The following PSD3 variants were observed in gnomAD, a reference collection of about 807,000 sequenced individuals.
PSD3 encodes the protein pleckstrin and Sec7 domain containing 3, also known as PH and SEC7 domain-containing protein 3.
In PSD3, 49 loss-of-function variants were observed where a neutral mutation model predicts 105.5. The observed-to-expected ratio is 0.46, with a 90% CI of 0.37 to 0.59. PSD3 has a LOEUF of 0.59. Among genes scored for constraint, PSD3 ranks in the 20% least tolerant of loss-of-function variants. The pLI, the probability that PSD3 is intolerant of heterozygous loss-of-function variation, is 0.00. For synonymous variants in PSD3, 557 were observed against 457.8 expected (o/e 1.22, Z -2.77); for missense variants, 1,561 against 1,263.8 (o/e 1.24, Z -3.57).
intron 2 of PSD3, among the ~76,000 whole-genome samples, chr8:18,931,512 A>C (rs1586458422): frequency 1.3e-5 from 2 of 152,294 alleles, no homozygotes; most frequent in South Asian, 4.1e-4. Context: ...ACTAAAAGAA[A>C]ATTAACATTT....
intron 7 of PSD3, among the ~76,000 whole-genome samples, chr8:18,800,520 T>C (rs1450744363): frequency 2.6e-5 from 4 of 152,174 alleles, no homozygotes; most frequent in Non-Finnish European, 4.4e-5. Context: ...CATCTGTAAG[T>C]TTATGAAACA....
chr8:19,071,373 T>A (rs1276429328), intron 1 of PSD3, among the ~76,000 whole-genome samples: 1 of 152,136 alleles, frequency 6.6e-6, no homozygotes, highest in Non-Finnish European at 1.5e-5. Flanking sequence ...TGTAGGTACA[T>A]AATAATCATA....
chr8:18,915,533 T>C (rs1279897302), intron 2 of PSD3, among the ~76,000 whole-genome samples: 1 of 151,938 alleles, frequency 6.6e-6, no homozygotes, highest in East Asian at 1.9e-4. Context: ...AGAAAACAAA[T>C]AACCCAATTT....
At chr8:18,681,437 T>C in intron 9 of PSD3, among the ~76,000 whole-genome samples, 1 of 142,794 alleles carries the variant, frequency 7.0e-6, no homozygotes, top group East Asian at 2.0e-4. Context: ...TGAGACATTG[T>C]TTCTGTTTCA....
intron 11 of PSD3, among the ~76,000 whole-genome samples, chr8:18,607,408 A>G (rs1156538970): frequency 1.3e-5 from 2 of 152,208 alleles, no homozygotes; most frequent in East Asian, 3.9e-4. Flanking sequence ...CCGTAAGTCT[A>G]TGAGGGATCC....
At chr8:18,713,325 G>A (rs886339213) in intron 9 of PSD3, among the ~76,000 whole-genome samples, 2 of 151,994 alleles carry the variant, frequency 1.3e-5, no homozygotes, top group African/African-American at 2.4e-5. Context: ...TATTCAAATA[G>A]GAAGAGAAGT....
intron 2 of PSD3, among the ~76,000 whole-genome samples, chr8:18,908,164 T>G (rs867792581): frequency 6.6e-6 from 1 of 152,172 alleles, no homozygotes; most frequent in Non-Finnish European, 1.5e-5. Flanking sequence ...ATCTATAAAT[T>G]TGTGCCTTTC....
chr8:18,772,228 T>G (rs1376859985), intron 8 of PSD3, among the ~76,000 whole-genome samples: 1 of 152,208 alleles, frequency 6.6e-6, no homozygotes, highest in African/African-American at 2.4e-5. Flanking sequence ...AGCTTTAAAC[T>G]TTTTATATAT....
At chr8:18,575,886 CA>C (rs147320894) in intron 12 of PSD3, among the ~76,000 whole-genome samples, 13,167 of 152,106 alleles carry the variant, frequency 0.087, 808 homozygotes, top group African/African-American at 0.17. Context: ...AGCTTGTTAT[CA>C]AAAACTGAAA....
intron 3 of PSD3, among the ~76,000 whole-genome samples, chr8:18,870,654 A>G (rs1817269988): frequency 6.6e-6 from 1 of 151,258 alleles, no homozygotes; most frequent in Admixed American, 6.6e-5. Flanking sequence ...CGTTCTGCAC[A>G]TGTACCCCAG....
At chr8:18,687,666 C>G (rs932347013) in intron 9 of PSD3, among the ~76,000 whole-genome samples, 1 of 152,066 alleles carries the variant, frequency 6.6e-6, no homozygotes, top group Non-Finnish European at 1.5e-5. Context: ...ATAAGCCATC[C>G]ACGTGTGTGT....
intron 12 of PSD3, among the ~76,000 whole-genome samples, chr8:18,596,812 G>A (rs926901826): frequency 6.6e-6 from 1 of 152,078 alleles, no homozygotes; most frequent in Non-Finnish European, 1.5e-5. Context: ...GTAATAATAA[G>A]GGGATTGAAT....
intron 4 of PSD3, among the ~76,000 whole-genome samples, chr8:18,865,681 G>A (rs530503906): frequency 6.6e-6 from 1 of 152,198 alleles, no homozygotes; most frequent in East Asian, 1.9e-4. Flanking sequence ...GGAGTGCCCA[G>A]ACTCGGGGAG....
rs371254335 is a variant in PSD3 at position 18,568,162 on chromosome 8, C to A, written c.2784+4366G>T. Among the ~76,000 whole-genome samples the A allele has an allele frequency of 1.8e-3, 281 of 152,268 alleles. 1 individual carries two copies. The highest frequency in any genetic ancestry group is 6.5e-3 in the African/African-American group (272 of 41,572). On this transcript the variant is annotated intron_variant, in intron 14 of 15. Coordinates refer to ENST00000327040, the MANE Select transcript of PSD3 (RefSeq NM_015310.4). ...GCAGAACCGTGAGCCAAATAAACCT[C>A]TCTTCTTTCTAAATGACCCAGGCTC...
chr8:18,903,289 G>T (rs1426174917), intron 2 of PSD3, among the ~76,000 whole-genome samples: 1 of 152,160 alleles, frequency 6.6e-6, no homozygotes, highest in Non-Finnish European at 1.5e-5. Flanking sequence ...TCGGGTCCCA[G>T]GGAATGAGTC....
At chr8:18,796,735 T>TG (rs1810214632) in intron 8 of PSD3, among the ~76,000 whole-genome samples, 1 of 152,176 alleles carries the variant, frequency 6.6e-6, no homozygotes, top group East Asian at 1.9e-4. Flanking sequence ...AAGCTGGTCT[T>TG]GGCACTTCTT....
chr8:18,678,288 C>A (rs1800183015), intron 9 of PSD3, among the ~76,000 whole-genome samples: 2 of 152,138 alleles, frequency 1.3e-5, no homozygotes, highest in Non-Finnish European at 2.9e-5. Context: ...AAAAAAAATT[C>A]TCCTTGGGAG....
intron 1 of PSD3, among the ~76,000 whole-genome samples, chr8:19,022,178 G>C (rs1827384990): frequency 6.6e-6 from 1 of 152,154 alleles, no homozygotes; most frequent in South Asian, 2.1e-4. Flanking sequence ...CAGGAGGATA[G>C]TGCTAAGCCA....
intron 7 of PSD3, among the ~76,000 whole-genome samples, chr8:18,800,174 A>G (rs1408090192): frequency 6.6e-6 from 1 of 152,194 alleles, no homozygotes; most frequent in Non-Finnish European, 1.5e-5. Context: ...TTAAGTCACG[A>G]ATCCATATTT....
Sources: gnomAD v4.1 joint callset for allele counts (sites outside exome capture counted in the v4.1 genomes callset) on GRCh38, gnomAD v4.1.1 for gene constraint, MANE v1.5 for transcripts, NCBI Gene and HGNC (gene_info 2026-07-23, HGNC 2026-07-21) for gene names.